The following ANO4 variants were observed in gnomAD, a reference collection of about 807,000 sequenced individuals.
The protein encoded by ANO4 is anoctamin 4, also known as anoctamin-4.
Under a neutral mutation model 141.9 loss-of-function variants are expected in ANO4, and 69 were observed. That is an observed-to-expected ratio of 0.49 (90% CI 0.40 to 0.59). ANO4 has a LOEUF of 0.59. Among genes scored for constraint, ANO4 ranks in the 20% least tolerant of loss-of-function variants. The pLI, the probability that ANO4 is intolerant of heterozygous loss-of-function variation, is 0.00. For missense variants in ANO4, 894 were observed against 1,162.2 expected (o/e 0.77, Z 3.36); for synonymous variants, 350 against 394.3 (o/e 0.89, Z 1.33).
At chr12:101,103,850 A>C (rs2050305060) in intron 22 of ANO4, among the ~76,000 whole-genome samples, 1 of 151,930 alleles carries the variant, frequency 6.6e-6, no homozygotes, top group Non-Finnish European at 1.5e-5. Flanking sequence ...AAGTAGCAGG[A>C]CTTGAAATTT....
intron 8 of ANO4, among the ~76,000 whole-genome samples, chr12:101,017,775 C>T (rs59733399): frequency 0.063 from 9,656 of 152,218 alleles, 489 homozygotes; most frequent in African/African-American, 0.14. Flanking sequence ...CTAATAAGTA[C>T]TACTTCCCTT....
At chr12:100,920,068 T>C (rs570359195) in intron 2 of ANO4, among the ~76,000 whole-genome samples, 3 of 152,226 alleles carry the variant, frequency 2.0e-5, no homozygotes, top group Non-Finnish European at 4.4e-5. Flanking sequence ...AATAAATAAA[T>C]TGGGCTTCTA....
At chr12:101,127,106 C>T (rs777216730) in intron 27 of ANO4, 32 bp downstream of exon 27, 8 of 1,582,662 alleles carry the variant, frequency 5.1e-6, no homozygotes, top group Non-Finnish European at 6.9e-6. Flanking sequence ...CGTCTGAGGC[C>T]ATTCCGAGGT....
intron 22 of ANO4, among the ~76,000 whole-genome samples, chr12:101,102,649 C>T (rs1320836733): frequency 2.0e-5 from 3 of 151,858 alleles, no homozygotes; most frequent in Non-Finnish European, 4.4e-5. Flanking sequence ...CAGTGGTTGG[C>T]TTGACTTCTC....
At chr12:100,837,732 A>G (rs969854728) in intron 1 of ANO4, among the ~76,000 whole-genome samples, 2 of 151,658 alleles carry the variant, frequency 1.3e-5, no homozygotes, top group African/African-American at 4.8e-5. Context: ...AAAAAAAAAA[A>G]AAAAAAAGCT....
At chr12:101,030,201 T>C (rs1477888986) in intron 9 of ANO4, among the ~76,000 whole-genome samples, 1 of 152,182 alleles carries the variant, frequency 6.6e-6, no homozygotes, top group Non-Finnish European at 1.5e-5. Flanking sequence ...ATGGCACTTA[T>C]TCTAAAATTG....
chr12:100,969,161 A>G (rs2043812937), intron 5 of ANO4, among the ~76,000 whole-genome samples: 1 of 152,220 alleles, frequency 6.6e-6, no homozygotes, highest in African/African-American at 2.4e-5. Flanking sequence ...CTAACGGCCC[A>G]CATTTCACTA....
intron 2 of ANO4, among the ~76,000 whole-genome samples, chr12:100,736,044 G>T (rs576480117): frequency 6.6e-6 from 1 of 152,268 alleles, no homozygotes; most frequent in South Asian, 2.1e-4. Context: ...AACCAAGCAA[G>T]CACCTTTCTT....
In ANO4 at chr12:101,097,675, C is replaced by T. The variant is rs1593262004; in HGVS notation, c.1875C>T (p.Tyr625=). The change falls in exon 20 of 28, where the codon TAC becomes TAT. Residue 625 remains tyrosine (Y), a synonymous_variant. Transcript: ENST00000392977. ...LGRFTGHPGA[Y]LRLINRWRLE... ...GATTTACAGGACACCCAGGTGCCTACTTGAGGCTGATAAACAGGTGGAGAC... is the reference window on the plus strand; with the variant it reads ...GATTTACAGGACACCCAGGTGCCTATTTGAGGCTGATAAACAGGTGGAGAC... 6.2e-7 allele frequency: 1 copy of T among 1,613,858 alleles called. No individual in the cohort carries two copies. Among genetic ancestry groups the T allele is most frequent in the South Asian group, 1.1e-5 (1 of 91,084 alleles).
chr12:101,003,175 C>G (rs575865810), intron 8 of ANO4, among the ~76,000 whole-genome samples: 3 of 152,348 alleles, frequency 2.0e-5, no homozygotes, highest in African/African-American at 7.2e-5. Flanking sequence ...ATACAACAAA[C>G]CCTCAAATCT....
intron 2 of ANO4, among the ~76,000 whole-genome samples, chr12:100,916,899 T>C (rs1484590207): frequency 6.6e-6 from 1 of 152,052 alleles, no homozygotes; most frequent in East Asian, 1.9e-4. Context: ...TAAAAGTGCT[T>C]TGATGCCCTG....
At chr12:100,749,993 T>C (rs1236118948) in intron 3 of ANO4, among the ~76,000 whole-genome samples, 1 of 152,234 alleles carries the variant, frequency 6.6e-6, no homozygotes, top group Non-Finnish European at 1.5e-5. Flanking sequence ...AATATGATAC[T>C]GAAGCTTCAT....
chr12:100,801,129 C>A (rs2034663169), intron 1 of ANO4, among the ~76,000 whole-genome samples: 1 of 151,362 alleles, frequency 6.6e-6, no homozygotes, highest in South Asian at 2.1e-4. Context: ...CTCTCTCAAA[C>A]AGACTTTTTG....
intron 26 of ANO4, among the ~76,000 whole-genome samples, chr12:101,121,411 TTTCA>T (rs2051085862): frequency 2.6e-5 from 4 of 152,242 alleles, no homozygotes; most frequent in Admixed American, 2.6e-4. Flanking sequence ...AAGGACATGG[TTTCA>T]TTCTTTTTTA....
chr12:100,985,662 C>T (rs1258718113), intron 7 of ANO4, among the ~76,000 whole-genome samples: 1 of 152,092 alleles, frequency 6.6e-6, no homozygotes, highest in African/African-American at 2.4e-5. Flanking sequence ...GGAGGGTTCT[C>T]TTGGGGAGGA....
chr12:101,026,705 T>A (rs1251572982), intron 9 of ANO4, among the ~76,000 whole-genome samples: 1 of 152,114 alleles, frequency 6.6e-6, no homozygotes, highest in Non-Finnish European at 1.5e-5. Context: ...TGCAAAAAAA[T>A]GAATTTAGGA....
At chr12:101,127,216 T>G (rs1009735899) in intron 27 of ANO4, 142 bp downstream of exon 27, 11 of 933,976 alleles carry the variant, frequency 1.2e-5, no homozygotes, top group Non-Finnish European at 1.6e-5. Flanking sequence ...AAAAGAAGCT[T>G]GTTTTTTACT....
chr12:100,781,705 A>G (rs2033716367), intron 3 of ANO4, among the ~76,000 whole-genome samples: 1 of 152,112 alleles, frequency 6.6e-6, no homozygotes, highest in Admixed American at 6.5e-5. Flanking sequence ...ACAGTTAATA[A>G]CTGTTTTGCT....
chr12:101,120,854 C>T (rs768155265), intron 26 of ANO4, among the ~76,000 whole-genome samples: 12 of 152,130 alleles, frequency 7.9e-5, no homozygotes, highest in Non-Finnish European at 1.3e-4. Flanking sequence ...AATCTGAACT[C>T]GTTGCTCCTA....
Sources: gnomAD v4.1 joint callset for allele counts (sites outside exome capture counted in the v4.1 genomes callset) on GRCh38, gnomAD v4.1.1 for gene constraint, MANE v1.5 for transcripts, NCBI Gene and HGNC (gene_info 2026-07-23, HGNC 2026-07-21) for gene names.